The following DERL1 variants were observed in gnomAD, a reference collection of about 807,000 sequenced individuals.
DERL1 encodes the protein derlin-1.
DERL1 carries 24 observed loss-of-function variants against 41.6 expected under a neutral mutation model. That is an observed-to-expected ratio of 0.58 (90% CI 0.42 to 0.81). DERL1 has a LOEUF of 0.81. DERL1 is among the 30% of genes least tolerant of loss of function. The pLI, the probability that DERL1 is intolerant of heterozygous loss-of-function variation, is 0.00. For synonymous variants in DERL1, 124 were observed against 112.5 expected (o/e 1.10, Z -0.65); for missense variants, 260 against 314.3 (o/e 0.83, Z 1.31).
At chr8:123,022,837 C>T (rs1812596823) in intron 4 of DERL1, 58 bp from the exon 5 acceptor site, 11 of 1,431,356 alleles carry the variant, frequency 7.7e-6, no homozygotes, top group East Asian at 2.3e-5. Flanking sequence ...AAAAGGTGTA[C>T]ATCTACTATG....
At position 123,034,288 on chromosome 8, in the gene DERL1, G is replaced by A. The variant is rs983941652; in HGVS notation, c.154-3572C>T. ...AAAAAAGTGACTTTCCAAGAAACGT[G>A]TATTAAACCAGAAAAATAAAATAGT... On this transcript the variant is annotated intron_variant, in intron 1 of 7. Coordinates refer to ENST00000259512, the MANE Select transcript of DERL1 (RefSeq NM_024295.6). 5.9e-5 allele frequency among the ~76,000 whole-genome samples: 9 copies of A among 152,288 alleles called. No homozygotes were observed. The South Asian group carries it at 6.2e-4, about 11-fold the overall frequency.
chr8:123,042,145 A>C lies in DERL1; in HGVS notation c.-23T>G. 6.3e-7 allele frequency: 1 copy of C among 1,592,782 alleles called. No individual in the cohort carries two copies. ...CATCTTCGACCCACAGGTAGCCAAG[A>C]TGCACAAGACCGCCCGACTCCCCGT... is the stretch of plus-strand genomic sequence containing the variant. On this transcript the variant is annotated 5_prime_UTR_variant, in exon 1 of 8. Coordinates refer to ENST00000259512, the MANE Select transcript of DERL1 (RefSeq NM_024295.6).
At chr8:123,032,335 A>G (rs115526043) in intron 1 of DERL1, among the ~76,000 whole-genome samples, 3,724 of 152,086 alleles carry the variant, frequency 0.024, 162 homozygotes, top group African/African-American at 0.085. Context: ...GGGTCTCCTG[A>G]TGTTGCCCAG....
At chr8:123,038,674 TAACAGGGAC>T (rs1156794083) in intron 1 of DERL1, among the ~76,000 whole-genome samples, 1 of 152,336 alleles carries the variant, frequency 6.6e-6, no homozygotes, top group Admixed American at 6.5e-5. Context: ...AGGATTTTGC[TAACAGGGAC>T]AACAAGCCGG....
intron 7 of DERL1, chr8:123,018,373 C>G (rs937167375): frequency 2.6e-5 from 4 of 152,174 alleles, no homozygotes; most frequent in African/African-American, 9.7e-5. Flanking sequence ...CCTCTCAGAT[C>G]GTCAAAATCC....
chr8:123,014,208 G>A lies in DERL1; in HGVS notation c.*1239C>T, dbSNP rs1417852485. ...GCTCTGATAGGAAAAGCCCACCTAC[G>A]AAAAAAAGGTGTGGGTATTTAAGCT... is the stretch of plus-strand genomic sequence containing the variant. On this transcript the variant is annotated 3_prime_UTR_variant, in exon 8 of 8. Transcript: ENST00000259512. 6 of 152,394 alleles carry A rather than the reference G, an allele frequency of 3.9e-5. No homozygotes were observed. The highest frequency in any genetic ancestry group is 2.1e-4 in the South Asian group (1 of 4,816). The allele number at this position is 152,394 out of a possible 1,614,324, so 9.4% of individuals were successfully genotyped here. A position where few individuals can be genotyped will look rare whatever the true frequency, so the allele number is the denominator to read the frequency against.
At chr8:123,033,839 T>C (rs1011709865) in intron 1 of DERL1, among the ~76,000 whole-genome samples, 1 of 152,246 alleles carries the variant, frequency 6.6e-6, no homozygotes, top group Non-Finnish European at 1.5e-5. Context: ...TCTAATTCAC[T>C]GGCTGGCACC....
At chr8:123,032,559 T>G (rs892981349) in intron 1 of DERL1, among the ~76,000 whole-genome samples, 2 of 152,252 alleles carry the variant, frequency 1.3e-5, no homozygotes, top group Non-Finnish European at 2.9e-5. Context: ...TGTAGGCATA[T>G]GTATCCATGA....
At chr8:123,018,318 G>C (rs1444497553) in intron 7 of DERL1, 1 of 152,192 alleles carries the variant, frequency 6.6e-6, no homozygotes, top group East Asian at 1.9e-4. Context: ...CTCACTGACA[G>C]AACGGTCACA....
intron 1 of DERL1, among the ~76,000 whole-genome samples, chr8:123,032,758 T>C (rs1217791805): frequency 2.0e-5 from 3 of 152,242 alleles, no homozygotes; most frequent in Non-Finnish European, 4.4e-5. Context: ...ACTACTTTCA[T>C]TGAACGTTTA....
intron 1 of DERL1, among the ~76,000 whole-genome samples, chr8:123,039,878 G>A (rs1690712909): frequency 6.6e-6 from 1 of 152,198 alleles, no homozygotes; most frequent in South Asian, 2.1e-4. Context: ...TATTCTCTGA[G>A]GGGAAGCAGA....
chr8:123,031,438 G>A (rs1034248981), intron 1 of DERL1, among the ~76,000 whole-genome samples: 6 of 152,022 alleles, frequency 3.9e-5, no homozygotes, highest in Admixed American at 6.5e-5. Context: ...TCAGCTACTC[G>A]GGAGGCTGAG....
chr8:123,023,552 C>G (rs1377462473), intron 4 of DERL1, among the ~76,000 whole-genome samples, 161 bp downstream of exon 4: 2 of 150,388 alleles, frequency 1.3e-5, no homozygotes, highest in Non-Finnish European at 2.9e-5. Flanking sequence ...AAGACTCCAT[C>G]TCATAAATAA....
At chr8:123,032,144 T>TA (rs535418635) in intron 1 of DERL1, among the ~76,000 whole-genome samples, 1 of 148,952 alleles carries the variant, frequency 6.7e-6, no homozygotes, top group African/African-American at 2.6e-5. Flanking sequence ...CATTTTTTTT[T>TA]TCCCCCCCGA....
In DERL1 at chr8:123,015,348, G is replaced by T; in HGVS notation, c.*99C>A. 2.8e-6 allele frequency: 4 copies of T among 1,431,372 alleles called. No individual in the cohort carries two copies. Among genetic ancestry groups the T allele is most frequent in the Non-Finnish European group, 2.8e-6 (3 of 1,066,648 alleles). The allele number at this position is 1,431,372 out of a possible 1,614,324, so 88.7% of individuals were successfully genotyped here. On this transcript the variant is annotated 3_prime_UTR_variant, in exon 8 of 8. Coordinates refer to ENST00000259512, the MANE Select transcript of DERL1 (RefSeq NM_024295.6). ...GTACTGAAAGACTACATTCAGTGTGGGTCAGGTCCAACAGTGTTAGCCAGA... is the reference window on the plus strand; with the variant it reads ...GTACTGAAAGACTACATTCAGTGTGTGTCAGGTCCAACAGTGTTAGCCAGA...
chr8:123,039,822 C>G (rs1449258420), intron 1 of DERL1, among the ~76,000 whole-genome samples: 4 of 152,232 alleles, frequency 2.6e-5, no homozygotes, highest in African/African-American at 9.6e-5. Flanking sequence ...GTCCCAGGCA[C>G]TATTCCAGGT....
intron 7 of DERL1, chr8:123,015,813 G>A (rs781466420): frequency 6.8e-6 from 3 of 442,550 alleles, no homozygotes; most frequent in Non-Finnish European, 1.2e-5. Context: ...TCAGATTTCA[G>A]CTAAATTCAC....
chr8:123,037,667 T>A (rs1054718876), intron 1 of DERL1, among the ~76,000 whole-genome samples: 1 of 152,242 alleles, frequency 6.6e-6, no homozygotes, highest in African/African-American at 2.4e-5. Flanking sequence ...CTTATTTTTT[T>A]CGTAGATATT....
chr8:123,035,803 T>C (rs1265240555), intron 1 of DERL1, among the ~76,000 whole-genome samples: 1 of 152,138 alleles, frequency 6.6e-6, no homozygotes, highest in East Asian at 1.9e-4. Flanking sequence ...ATCCTTTAGC[T>C]AAAATCTTCT....
Sources: gnomAD v4.1 joint callset for allele counts (sites outside exome capture counted in the v4.1 genomes callset) on GRCh38, gnomAD v4.1.1 for gene constraint, MANE v1.5 for transcripts, NCBI Gene and HGNC (gene_info 2026-07-23, HGNC 2026-07-21) for gene names.